Variants in VSIG10 observed in about 807,000 individuals in gnomAD.
VSIG10 encodes the protein V-set and immunoglobulin domain-containing protein 10.
VSIG10 carries 48 observed loss-of-function variants against 58.7 expected under a neutral mutation model. That is an observed-to-expected ratio of 0.82 (90% confidence interval 0.65 to 1.04). VSIG10 has a LOEUF of 1.04. Ranked by LOEUF, VSIG10 falls within the 50% of genes least tolerant of loss-of-function variation. VSIG10 has a pLI of 0.00. For synonymous variants in VSIG10, 260 were observed against 267.1 expected (o/e 0.97, Z 0.26); for missense variants, 628 against 670.0 (o/e 0.94, Z 0.69).
In VSIG10 at chr12:118,066,526, T is replaced by C; in HGVS notation, c.*113A>G. 8.8e-7 allele frequency: 1 copy of C among 1,134,760 alleles called. No individual in the cohort carries two copies. The highest frequency in any genetic ancestry group is 1.3e-6 in the Non-Finnish European group (1 of 751,658). The allele number at this position is 1,134,760 out of a possible 1,614,324, so 70.3% of individuals were successfully genotyped here. ...GTTTTTTGCTGAGACCCAAACATTG[T>C]TAGTGCAAGCCCCCGCCAGGGGTGC... On this transcript the variant is annotated 3_prime_UTR_variant, in exon 9 of 9. Transcript: ENST00000359236.
chr12:118,065,789 G>A lies in VSIG10; in HGVS notation c.*850C>T, dbSNP rs1467826792. 6.6e-6 allele frequency: 1 copy of A among 152,238 alleles called. No homozygotes were observed. Among genetic ancestry groups the A allele is most frequent in the Non-Finnish European group, 1.5e-5 (1 of 68,054 alleles). The allele number at this position is 152,238 out of a possible 1,614,324, so 9.4% of individuals were successfully genotyped here. On this transcript the variant is annotated 3_prime_UTR_variant, in exon 9 of 9. Coordinates refer to ENST00000359236, the MANE Select transcript of VSIG10 (RefSeq NM_019086.6). ...TTTTTCAATAAATGGAAGGAAAGAT[G>A]TGTGTGCTTGGTTTTTTTGCTGAGA...
chr12:118,068,045 T>TTTTTTTTTTGG (rs71450254), intron 8 of VSIG10, among the ~76,000 whole-genome samples: 1 of 141,190 alleles, frequency 7.1e-6, no homozygotes, highest in African/African-American at 2.6e-5. Flanking sequence ...TTTTTTTTTT[T>TTTTTTTTTTGG]CTGAGGCAGG....
rs878924762 is a variant in VSIG10 at position 118,103,612 on chromosome 12, C to A, written c.60G>T (p.Leu20=). The A allele has an allele frequency of 5.9e-6, 9 of 1,521,284 alleles. 1 individual carries two copies. The South Asian group carries it at 1.1e-4, about 18-fold the overall frequency. The allele number at this position is 1,521,284 out of a possible 1,614,324, so 94.2% of individuals were successfully genotyped here. A position where few individuals can be genotyped will look rare whatever the true frequency, so the allele number is the denominator to read the frequency against. Residue 20 remains leucine, a synonymous_variant, in exon 1 of 9, where the codon CTG becomes CTT. Coordinates refer to ENST00000359236, the MANE Select transcript of VSIG10 (RefSeq NM_019086.6). ...CCTTACCTACGGCGACCCAGCCGGC[C>A]AGGAGCGCCCCGAGGCAGACGAGGA... ...PRVLVCLGAL[L]AGWVAVGLEA... is the part of the protein sequence containing the mutation.
chr12:118,075,896 G>T (rs1304917900), intron 4 of VSIG10, among the ~76,000 whole-genome samples: 7 of 152,208 alleles, frequency 4.6e-5, no homozygotes, highest in African/African-American at 1.7e-4. Flanking sequence ...AACTGCCCCA[G>T]TCTGCCCAGG....
intron 2 of VSIG10, among the ~76,000 whole-genome samples, chr12:118,086,249 G>A (rs987327777): frequency 6.6e-6 from 1 of 151,850 alleles, no homozygotes; most frequent in Admixed American, 6.6e-5. Flanking sequence ...GATCACTTGA[G>A]GTCAGGAGTT....
rs372054163 is a variant in VSIG10 at position 118,100,466 on chromosome 12, C to T, written c.79+3127G>A. On this transcript the variant is annotated intron_variant, in intron 1 of 8. Transcript: ENST00000359236. ...GAGCCAAGATCGCACCATTGCATTCCAGCCTGGGTAACAGAGCAAGACTCT... is the reference window on the plus strand; with the variant it reads ...GAGCCAAGATCGCACCATTGCATTCTAGCCTGGGTAACAGAGCAAGACTCT... 7.6e-4 allele frequency among the ~76,000 whole-genome samples: 116 copies of T among 152,168 alleles called. 1 individual carries two copies. Among genetic ancestry groups the T allele is most frequent in the African/African-American group, 2.6e-3 (106 of 41,514 alleles).
intron 2 of VSIG10, among the ~76,000 whole-genome samples, chr12:118,092,651 T>TG (rs1318373209): frequency 6.6e-6 from 1 of 151,476 alleles, no homozygotes; most frequent in Middle Eastern, 3.2e-3. Flanking sequence ...TTTTTTTTTT[T>TG]TGAGACAGGG....
intron 1 of VSIG10, chr12:118,101,897 G>T (rs1566182254): frequency 6.6e-6 from 1 of 152,254 alleles, no homozygotes; most frequent in Non-Finnish European, 1.5e-5. Context: ...ACTTTGGGAG[G>T]CCGAGACAGG....
In VSIG10 at chr12:118,075,057, G is replaced by C. The variant is rs369969794; in HGVS notation, c.926-1065C>G. On this transcript the variant is annotated intron_variant, in intron 4 of 8. Coordinates refer to ENST00000359236, the MANE Select transcript of VSIG10 (RefSeq NM_019086.6). ...AATGTATAAATTAACCTTATCATAA[G>C]TATTTATGTATAAGAAAAAGCATAG... Among the ~76,000 whole-genome samples, 18 of 150,302 alleles carry C rather than the reference G, an allele frequency of 1.2e-4. No individual in the cohort carries two copies. The South Asian group carries it at 1.5e-3, about 12-fold the overall frequency.
chr12:118,073,659 T>G, intron 5 of VSIG10, 40 bp downstream of exon 5: 1 of 1,564,528 alleles, frequency 6.4e-7, no homozygotes, highest in Non-Finnish European at 8.7e-7. Flanking sequence ...GCTCTGAAGC[T>G]CTGAACCCTC....
intron 2 of VSIG10, among the ~76,000 whole-genome samples, chr12:118,093,888 G>A (rs556802849): frequency 7.2e-5 from 11 of 152,132 alleles, no homozygotes; most frequent in Non-Finnish European, 8.8e-5. Flanking sequence ...CAGCCTGGGC[G>A]ACTGAGTGAG....
intron 2 of VSIG10, among the ~76,000 whole-genome samples, chr12:118,083,237 T>C (rs1209522515): frequency 6.9e-6 from 1 of 145,402 alleles, no homozygotes; most frequent in East Asian, 2.1e-4. Context: ...AGGCCAGGAG[T>C]TCCAGACCAA....
intron 2 of VSIG10, among the ~76,000 whole-genome samples, chr12:118,084,802 A>G (rs2033070037): frequency 2.0e-5 from 3 of 152,058 alleles, no homozygotes; most frequent in Admixed American, 2.0e-4. Flanking sequence ...TCACCTAAAC[A>G]AGGTCAGGAG....
chr12:118,089,429 A>G (rs2033229186), intron 2 of VSIG10, among the ~76,000 whole-genome samples: 1 of 152,204 alleles, frequency 6.6e-6, no homozygotes, highest in Admixed American at 6.5e-5. Flanking sequence ...AAAGAAACAA[A>G]AAGTTGCAAT....
chr12:118,079,567 G>A lies in VSIG10; in HGVS notation c.704C>T (p.Ala235Val), dbSNP rs1173230750. 6.2e-7 allele frequency: 1 copy of A among 1,614,030 alleles called. No individual in the cohort carries two copies. The highest frequency in any genetic ancestry group is 2.2e-5 in the East Asian group (1 of 44,882). Residue 235 changes from alanine (A) to valine (V), a missense_variant, in exon 4 of 9, where the codon GCA becomes GTA. Coordinates refer to ENST00000359236, the MANE Select transcript of VSIG10 (RefSeq NM_019086.6). Reference protein sequence around the residue: ...PSAPQCWAQMASGSFMLQLTC... With the variant: ...PSAPQCWAQMVSGSFMLQLTC... ...AAGCTGCAACATGAACGATCCTGAT[G>A]CCATCTGTGCCCAGCACTGGGGAGC...
At chr12:118,079,091 A>T (rs893667578) in intron 4 of VSIG10, among the ~76,000 whole-genome samples, 2 of 152,136 alleles carry the variant, frequency 1.3e-5, no homozygotes, top group Non-Finnish European at 2.9e-5. Flanking sequence ...TAGAAACTGT[A>T]CCTGGCACAT....
chr12:118,073,346 G>A (rs867974269), intron 5 of VSIG10, among the ~76,000 whole-genome samples: 25 of 152,064 alleles, frequency 1.6e-4, no homozygotes, highest in Middle Eastern at 3.2e-3. Context: ...TCCAAATCTG[G>A]CCCTGAGACA....
Position 118,103,887 on chromosome 12 carries a change from G to A in VSIG10, c.-216C>T, listed in dbSNP as rs982141167. 1 of 436,510 alleles carries A rather than the reference G, an allele frequency of 2.3e-6. No individual in the cohort carries two copies. The highest frequency in any genetic ancestry group is 4.0e-6 in the Non-Finnish European group (1 of 250,722). 27.0% of individuals were successfully genotyped at this position (436,510 alleles called of 1,614,324 possible). ...TGCAGGCTCGGGTCCCCGCTCCCGA[G>A]CGCCCTGGCCGGGGAGGGAGGGCGC... On this transcript the variant is annotated 5_prime_UTR_variant, in exon 1 of 9. Transcript: ENST00000359236.
chr12:118,098,127 A>G (rs2033517654), intron 1 of VSIG10, among the ~76,000 whole-genome samples: 1 of 152,190 alleles, frequency 6.6e-6, no homozygotes, highest in African/African-American at 2.4e-5. Context: ...GTGGCGATCA[A>G]TAATTGATAC....
Sources: gnomAD v4.1 joint callset for allele counts (sites outside exome capture counted in the v4.1 genomes callset) on GRCh38, gnomAD v4.1.1 for gene constraint, MANE v1.5 for transcripts, NCBI Gene and HGNC (gene_info 2026-07-23, HGNC 2026-07-21) for gene names.